The following PPP1R12C variants were observed in gnomAD, a reference collection of about 807,000 sequenced individuals.
PPP1R12C encodes protein phosphatase 1 regulatory subunit 12C, also known as leukocyte receptor cluster (LRC) encoded novel gene 3.
PPP1R12C carries 48 observed loss-of-function variants against 95.6 expected under a neutral mutation model. The ratio of observed to expected loss-of-function variants is 0.50; its 90% CI spans 0.40 to 0.64. PPP1R12C has a LOEUF of 0.64. Ranked by LOEUF, PPP1R12C falls within the 30% of genes least tolerant of loss-of-function variation. The probability of loss-of-function intolerance (pLI) is 0.00; values close to 1 mark genes in which losing one functional copy is unlikely to be tolerated. For missense variants in PPP1R12C, 1,057 were observed against 1,083.3 expected (o/e 0.98, Z 0.34); for synonymous variants, 480 against 460.8 (o/e 1.04, Z -0.53).
rs2084897970 is a variant in PPP1R12C at position 55,095,332 on chromosome 19, A to G, written c.1413T>C (p.Ile471=). 6.3e-7 allele frequency: 1 copy of G among 1,592,192 alleles called. No homozygotes were observed. The highest frequency in any genetic ancestry group is 1.1e-5 in the South Asian group (1 of 87,578). Reference sequence around the variant, plus strand: ...GCAGCTTCGGGGAGGGGGTCGGGGTAATTCTGGCAAGACGGAGCTCCTTGG... The same window carrying G: ...GCAGCTTCGGGGAGGGGGTCGGGGTGATTCTGGCAAGACGGAGCTCCTTGG... ...TQAKELRLAR[I]TPTPSPKLPE... is the part of the protein sequence containing the mutation. The change falls in exon 11 of 22, where the codon ATT becomes ATC. Residue 471 remains isoleucine, a synonymous_variant. Coordinates refer to ENST00000263433, the MANE Select transcript of PPP1R12C (RefSeq NM_017607.4).
intron 11 of PPP1R12C, 120 bp downstream of exon 11, chr19:55,095,171 C>G (rs2084895770): frequency 8.7e-7 from 1 of 1,148,780 alleles, no homozygotes; most frequent in Non-Finnish European, 1.3e-6. Flanking sequence ...AGCACAGGCT[C>G]TGGAGTGGCG....
intron 3 of PPP1R12C, among the ~76,000 whole-genome samples, chr19:55,108,893 A>G (rs1308801536): frequency 6.6e-6 from 1 of 152,074 alleles, no homozygotes; most frequent in African/African-American, 2.4e-5. Context: ...TTTAGTAGAG[A>G]CAGAGTTTCT....
In PPP1R12C at chr19:55,092,041, GCCA is replaced by G. The variant is rs1369292811; in HGVS notation, c.2161-135_2161-133del. The G allele has an allele frequency of 5.3e-5, 65 of 1,217,288 alleles. No homozygotes were observed. The African/African-American group carries it at 9.0e-4, about 17-fold the overall frequency. The allele number at this position is 1,217,288 out of a possible 1,614,324, so 75.4% of individuals were successfully genotyped here. A position where few individuals can be genotyped will look rare whatever the true frequency, so the allele number is the denominator to read the frequency against. Reference sequence around the variant, plus strand: ...GCCCTTCCCCCACGGGCCAGGCCCCGCCACCGGCAGGCCCACAGCCCCATCCCC... The same window carrying G: ...GCCCTTCCCCCACGGGCCAGGCCCCGCCGGCAGGCCCACAGCCCCATCCCC... On this transcript the variant is annotated intron_variant, in intron 19 of 21. Coordinates refer to ENST00000263433, the MANE Select transcript of PPP1R12C (RefSeq NM_017607.4).
chr19:55,103,352 G>A (rs2084998598), intron 4 of PPP1R12C, 57 bp downstream of exon 4: 1 of 1,349,878 alleles, frequency 7.4e-7, no homozygotes, highest in African/African-American at 1.5e-5. Flanking sequence ...AAAGGGAAAG[G>A]ACAAGATCCA....
Position 55,094,418 on chromosome 19 carries a change from A to T in PPP1R12C, c.1610T>A (p.Val537Glu). ...RDRRRSYQMPVRDEESESQRK... is the reference protein window; with the variant it reads ...RDRRRSYQMPERDEESESQRK... ...CTGGGATTCCGACTCCTCATCCCGC[A>T]CAGGCATCTGGTAGGACCTGAGGGA... Residue 537 changes from valine to glutamate, a missense_variant, in exon 13 of 22, where the codon GTG becomes GAG. Val to Glu is a moderately radical substitution (Grantham distance 121, BLOSUM62 -2). Transcript: ENST00000263433. 1 of 1,613,548 alleles carries T rather than the reference A, an allele frequency of 6.2e-7. No individual in the cohort carries two copies. Among genetic ancestry groups the T allele is most frequent in the Non-Finnish European group, 8.5e-7 (1 of 1,179,998 alleles).
intron 6 of PPP1R12C, 60 bp downstream of exon 6, chr19:55,098,724 C>T: frequency 1.3e-6 from 2 of 1,598,838 alleles, no homozygotes; most frequent in Non-Finnish European, 1.7e-6. Flanking sequence ...CTGCACCCTC[C>T]TCTGAGGAGC....
At chr19:55,094,480 G>A (rs1230693297) in intron 12 of PPP1R12C, 45 bp from the exon 13 acceptor site, 1 of 1,608,990 alleles carries the variant, frequency 6.2e-7, no homozygotes, top group South Asian at 1.1e-5. Context: ...TGGGGACCCT[G>A]TCCCATTCCG....
At chr19:55,111,079 C>T (rs1259579629) in intron 3 of PPP1R12C, among the ~76,000 whole-genome samples, 1 of 141,494 alleles carries the variant, frequency 7.1e-6, no homozygotes, top group African/African-American at 2.6e-5. Context: ...TGTATGATTC[C>T]CTTTATGTGA....
chr19:55,091,626 G>GCCCACAGCC lies in PPP1R12C; in HGVS notation c.2262+15_2262+23dup, dbSNP rs376699437. On this transcript the variant is annotated intron_variant, in intron 21 of 21. Coordinates refer to ENST00000263433, the MANE Select transcript of PPP1R12C (RefSeq NM_017607.4). ...CACCCCCACCCACCCTCGGCCCTCT[G>GCCCACAGCC]CCCACAGCCCCCACAGCCCCCACCT... 8.3e-5 allele frequency: 129 copies of GCCCACAGCC among 1,556,562 alleles called. No individual in the cohort carries two copies. The Admixed American group carries it at 1.3e-3, about 15-fold the overall frequency.
chr19:55,117,117 G>C, intron 1 of PPP1R12C, 106 bp downstream of exon 1: 1 of 1,014,714 alleles, frequency 9.9e-7, no homozygotes, highest in Non-Finnish European at 1.2e-6. Flanking sequence ...CCCAGGGCCA[G>C]GAACGACGGG....
At chr19:55,117,027 C>A (rs2085161456) in intron 1 of PPP1R12C, among the ~76,000 whole-genome samples, 196 bp downstream of exon 1, 1 of 151,988 alleles carries the variant, frequency 6.6e-6, no homozygotes, top group African/African-American at 2.4e-5. Context: ...CCAGTTGAAG[C>A]GGCTCCAATT....
intron 4 of PPP1R12C, among the ~76,000 whole-genome samples, chr19:55,101,593 C>T (rs2084979738): frequency 6.6e-6 from 1 of 152,232 alleles, no homozygotes; most frequent in South Asian, 2.1e-4. Flanking sequence ...TCTCTTCCTG[C>T]TGGCTGGTAT....
chr19:55,095,613 G>A lies in PPP1R12C; in HGVS notation c.1228-10C>T. On this transcript the variant is annotated splice_polypyrimidine_tract_variant and intron_variant, in intron 9 of 21. Coordinates refer to ENST00000263433, the MANE Select transcript of PPP1R12C (RefSeq NM_017607.4). ...GGGCCTCTTCAAGCTGCTGGGAGAA[G>A]GAGGAGGTCTCAGTTAGAGAGAAAG... 2 of 1,548,276 alleles carry A rather than the reference G, an allele frequency of 1.3e-6. No homozygotes were observed. Among genetic ancestry groups the A allele is most frequent in the South Asian group, 2.5e-5 (2 of 79,696 alleles).
At chr19:55,100,855 G>A (rs1236981061) in intron 4 of PPP1R12C, among the ~76,000 whole-genome samples, 3 of 151,890 alleles carry the variant, frequency 2.0e-5, no homozygotes, top group Admixed American at 1.3e-4. Flanking sequence ...CTCATGATCC[G>A]CCTGCCTCGA....
intron 3 of PPP1R12C, among the ~76,000 whole-genome samples, chr19:55,110,703 T>C (rs568302893): frequency 7.9e-5 from 12 of 152,172 alleles, no homozygotes; most frequent in Non-Finnish European, 1.5e-4. Context: ...TGAAACCCCA[T>C]CTCTATTAAA....
Position 55,112,672 on chromosome 19 carries a change from T to G in PPP1R12C, c.445A>C (p.Ile149Leu). The change falls in exon 2 of 22, where the codon ATC becomes CTC. Residue 149 changes from isoleucine to leucine, a missense_variant. Ile to Leu is a conservative substitution (Grantham distance 5). Coordinates refer to ENST00000263433, the MANE Select transcript of PPP1R12C (RefSeq NM_017607.4). ...HVAASCGYLD[I>L]ARYLLSHGAN... ...GGCCCTCCCTTGCCTCACCTGGCGA[T>G]ATCTAGGTAGCCACAGGAGGCGGCC... 1.2e-6 allele frequency: 2 copies of G among 1,613,618 alleles called. No individual in the cohort carries two copies. Among genetic ancestry groups the G allele is most frequent in the Non-Finnish European group, 1.7e-6 (2 of 1,179,884 alleles).
chr19:55,095,183 C>T, intron 11 of PPP1R12C, 108 bp downstream of exon 11: 1 of 1,268,974 alleles, frequency 7.9e-7, no homozygotes, highest in Non-Finnish European at 1.1e-6. Context: ...GGAGTGGCGG[C>T]AGGAACCAGA....
intron 3 of PPP1R12C, among the ~76,000 whole-genome samples, chr19:55,104,518 C>T (rs1029004033): frequency 2.2e-4 from 34 of 151,538 alleles, no homozygotes; most frequent in African/African-American, 3.9e-4. Context: ...GCCTGCCCAA[C>T]GTGTTGAAAC....
Position 55,091,432 on chromosome 19 carries a change from A to G in PPP1R12C, c.*40T>C. 2 of 1,573,166 alleles carry G rather than the reference A, an allele frequency of 1.3e-6. No individual in the cohort carries two copies. Among genetic ancestry groups the G allele is most frequent in the Non-Finnish European group, 1.7e-6 (2 of 1,145,544 alleles). ...CGGGGGAAGGGGTGCGTGTGGCAGA[A>G]GCAGCTGTATAAATACGGGTGCGGG... On this transcript the variant is annotated 3_prime_UTR_variant, in exon 22 of 22. Coordinates refer to ENST00000263433, the MANE Select transcript of PPP1R12C (RefSeq NM_017607.4).
Sources: allele counts gnomAD v4.1 joint callset (sites outside exome capture counted in the v4.1 genomes callset), GRCh38; gene constraint gnomAD v4.1.1; transcripts MANE v1.5; gene names NCBI Gene and HGNC (gene_info 2026-07-23, HGNC 2026-07-21).